The following RAPGEF3 variants were observed in gnomAD, a reference collection of about 807,000 sequenced individuals.
RAPGEF3 encodes the protein Rap guanine nucleotide exchange factor 3, also known as 9330170P05Rik.
RAPGEF3 carries 103 observed loss-of-function variants against 129.8 expected under a neutral mutation model. The observed-to-expected ratio is 0.79, with a 90% confidence interval of 0.68 to 0.93. RAPGEF3 has a LOEUF of 0.93. RAPGEF3 is among the 40% of genes least tolerant of loss of function. RAPGEF3 has a pLI of 0.00. For synonymous variants in RAPGEF3, 436 were observed against 482.6 expected, an observed-to-expected ratio of 0.90 and a Z score of 1.26; for missense variants, 1,117 against 1,207.4, an observed-to-expected ratio of 0.93 and a Z score of 1.11.
chr12:47,738,901 C>T (rs573594628), intron 24 of RAPGEF3, 147 bp from the exon 25 acceptor site: 2 of 795,144 alleles, frequency 2.5e-6, no homozygotes, highest in East Asian at 2.5e-5. Context: ...GCAGCATTTC[C>T]TTGTATCTCT....
rs776730017 is a variant in RAPGEF3 at position 47,737,717 on chromosome 12, A to G, written c.2654-32T>C. On this transcript the variant is annotated intron_variant, in intron 27 of 27. Coordinates refer to ENST00000449771, the MANE Select transcript of RAPGEF3 (RefSeq NM_001098531.4). Reference sequence around the variant, plus strand: ...GAGGAGAGTAGTCAGGGAGGCACTGATGCCCCTTTGTGGAACCCAACCTTT... The same window carrying G: ...GAGGAGAGTAGTCAGGGAGGCACTGGTGCCCCTTTGTGGAACCCAACCTTT... 1.6e-5 allele frequency: 26 copies of G among 1,592,838 alleles called. 1 individual carries two copies. The South Asian group carries it at 2.8e-4, about 17-fold the overall frequency.
chr12:47,738,213 T>C lies in RAPGEF3; in HGVS notation c.2561A>G (p.His854Arg), dbSNP rs1306929225. The C allele has an allele frequency of 6.2e-7, 1 of 1,613,614 alleles. No individual in the cohort carries two copies. The change falls in exon 26 of 28, where the codon CAC (histidine) becomes CGC (arginine). Residue 854 changes from histidine to arginine, a missense_variant. His to Arg is a conservative substitution (Grantham distance 29, BLOSUM62 0). Transcript: ENST00000449771. The stretch of plus-strand genomic sequence containing the variant: ...CTCACCAGGGTTGTGGCTTCGGCAG[T>C]GGTGCAGCATCCGCGCGGCTCTGGC... ...MMARAARMLH[H>R]CRSHNPVPLS...
Position 47,739,235 on chromosome 12 carries a change from G to A in RAPGEF3, c.2374-5C>T, listed in dbSNP as rs536444685. 1 of 1,604,146 alleles carries A rather than the reference G, an allele frequency of 6.2e-7. No individual in the cohort carries two copies. Among genetic ancestry groups the A allele is most frequent in the East Asian group, 2.2e-5 (1 of 44,812 alleles). Reference sequence around the variant, plus strand: ...CCGGTGGTTCCATGAGGGATCCTAGGGGAAGAAGCCACACTGAGGGGGTTG... The same window carrying A: ...CCGGTGGTTCCATGAGGGATCCTAGAGGAAGAAGCCACACTGAGGGGGTTG... On this transcript the variant is annotated splice_polypyrimidine_tract_variant and splice_region_variant and intron_variant, in intron 23 of 27. Coordinates refer to ENST00000449771, the MANE Select transcript of RAPGEF3 (RefSeq NM_001098531.4).
Position 47,748,225 on chromosome 12 carries a change from T to G in RAPGEF3, c.1244-73A>C, listed in dbSNP as rs542033089. 8.6e-6 allele frequency: 11 copies of G among 1,280,010 alleles called. No individual in the cohort carries two copies. In the East Asian group the frequency reaches 2.8e-4, roughly 32 times the overall value. The allele number at this position is 1,280,010 out of a possible 1,614,324, so 79.3% of individuals were successfully genotyped here. ...TGCTGAGCACAGGTGTATGGACAGCTGGAAGGACCCTTCCCCACATCCCAC... is the reference window on the plus strand; with the variant it reads ...TGCTGAGCACAGGTGTATGGACAGCGGGAAGGACCCTTCCCCACATCCCAC... On this transcript the variant is annotated intron_variant, in intron 12 of 27. Transcript: ENST00000449771.
intron 1 of RAPGEF3, 68 bp from the exon 2 acceptor site, chr12:47,758,146 G>T: frequency 1.3e-6 from 2 of 1,509,502 alleles, no homozygotes; most frequent in Admixed American, 2.0e-5. Context: ...CAGTACAACT[G>T]CCCCAGGCAG....
chr12:47,737,989 C>T (rs542020053), intron 27 of RAPGEF3, 33 bp downstream of exon 27: 2 of 1,569,312 alleles, frequency 1.3e-6, no homozygotes, highest in Non-Finnish European at 1.8e-6. Flanking sequence ...TAAGCACCCC[C>T]TCCCTGCCCA....
Position 47,751,029 on chromosome 12 carries a change from T to G in RAPGEF3, c.671+19A>C. The G allele has an allele frequency of 6.3e-7, 1 of 1,592,320 alleles. No homozygotes were observed. The highest frequency in any genetic ancestry group is 8.5e-7 in the Non-Finnish European group (1 of 1,170,534). On this transcript the variant is annotated intron_variant, in intron 6 of 27. Transcript: ENST00000449771. ...CTGTGTGAGGCCTGGGGTCACGGGG[T>G]GCAGGGATTCTGACTCACGGCTTTC...
chr12:47,748,778 AGGAG>A, intron 11 of RAPGEF3, 37 bp downstream of exon 11: 1 of 1,411,620 alleles, frequency 7.1e-7, no homozygotes, highest in Non-Finnish European at 1.0e-6. Flanking sequence ...GGGAAATGAA[AGGAG>A]GGACAGTGTG....
At chr12:47,748,329 T>C (rs1395484845) in intron 12 of RAPGEF3, 125 bp downstream of exon 12, 1 of 1,024,720 alleles carries the variant, frequency 9.8e-7, no homozygotes, top group Non-Finnish European at 1.5e-6. Context: ...AGAGGACTTA[T>C]TGCCAACTTC....
At chr12:47,742,557 G>A (rs533119488) in intron 18 of RAPGEF3, among the ~76,000 whole-genome samples, 9 of 152,272 alleles carry the variant, frequency 5.9e-5, no homozygotes, top group East Asian at 1.9e-4. Flanking sequence ...CGTGCCCTCC[G>A]CAGAGAACAG....
At chr12:47,741,632 G>C in intron 18 of RAPGEF3, 30 bp from the exon 19 acceptor site, 2 of 1,572,888 alleles carry the variant, frequency 1.3e-6, no homozygotes, top group Non-Finnish European at 1.7e-6. Context: ...GGACTGGGTG[G>C]GGGAAGGGAG....
chr12:47,738,674 C>T lies in RAPGEF3; in HGVS notation c.2526+16G>A. 6.3e-7 allele frequency: 1 copy of T among 1,586,368 alleles called. No homozygotes were observed. Among genetic ancestry groups the T allele is most frequent in the Non-Finnish European group, 8.7e-7 (1 of 1,154,780 alleles). On this transcript the variant is annotated intron_variant, in intron 25 of 27. Coordinates refer to ENST00000449771, the MANE Select transcript of RAPGEF3 (RefSeq NM_001098531.4). ...AACCTATGTTAGTAGTGAATGCCTG[C>T]TCTCCCTGGACTCACCATCTTCTCA...
intron 5 of RAPGEF3, 24 bp from the exon 6 acceptor site, chr12:47,751,240 G>C: frequency 2.6e-6 from 4 of 1,546,354 alleles, no homozygotes; most frequent in Non-Finnish European, 3.5e-6. Flanking sequence ...GCCCAGGCGT[G>C]GGGGAGGAGA....
At chr12:47,748,635 C>A (rs757281) in intron 11 of RAPGEF3, 93 bp from the exon 12 acceptor site, 64 of 1,240,772 alleles carry the variant, frequency 5.2e-5, no homozygotes, top group Admixed American at 3.1e-4. Flanking sequence ...CATTTTTCTC[C>A]ATTAGCCAGC....
chr12:47,743,708 G>A, intron 17 of RAPGEF3, 32 bp from the exon 18 acceptor site: 1 of 1,592,560 alleles, frequency 6.3e-7, no homozygotes, highest in Non-Finnish European at 8.6e-7. Context: ...GCTGTGGGAA[G>A]GGCTGCCTGA....
rs890174470 is a variant in RAPGEF3, at chr12:47,750,349, A to G, written c.748T>C (p.Ser250Pro). 6.2e-7 allele frequency: 1 copy of G among 1,613,850 alleles called. No individual in the cohort carries two copies. Among genetic ancestry groups the G allele is most frequent in the African/African-American group, 1.3e-5 (1 of 75,006 alleles). ...GGAGGGGCAGGACTGACCGAGTTGG[A>G]GAGGTGGGCCACAGCCTTGATGTGC... ...LLHIKAVAHL[S>P]NSVKRELAAV... The change falls in exon 7 of 28, where the codon TCC becomes CCC. Residue 250 changes from serine to proline, a missense_variant. Physicochemically the swap from Ser to Pro is moderately conservative, Grantham distance 74. This residue lies in a region of RAPGEF3 where 367 missense variants were observed against 373.4 expected (regional missense o/e 0.98). Transcript: ENST00000449771.
rs1941151892 is a variant in RAPGEF3 at position 47,741,322 on chromosome 12, C to T, written c.1923+183G>A. On this transcript the variant is annotated intron_variant, in intron 19 of 27. Transcript: ENST00000449771. ...TCCCAACCAGTGCTACCAGCCCCTG[C>T]CCTGCACTATCTTGGGAATTCCCCC... The T allele has an allele frequency of 1.2e-5, 8 of 685,556 alleles. No individual in the cohort carries two copies. In the South Asian group the frequency reaches 1.3e-4, roughly 11 times the overall value. The allele number at this position is 685,556 out of a possible 1,614,324, so 42.5% of individuals were successfully genotyped here.
chr12:47,748,721 A>G, intron 11 of RAPGEF3, 98 bp downstream of exon 11: 1 of 1,082,862 alleles, frequency 9.2e-7, no homozygotes, highest in Non-Finnish European at 1.4e-6. Context: ...TCCATCCACA[A>G]GTGGCCAGAG....
At chr12:47,750,121 C>T in intron 7 of RAPGEF3, 131 bp from the exon 8 acceptor site, 1 of 1,216,346 alleles carries the variant, frequency 8.2e-7, no homozygotes, top group African/African-American at 1.5e-5. Flanking sequence ...TCAGGTGTTC[C>T]CAGGATTCAG....
Sources: gnomAD v4.1 joint callset for allele counts (sites outside exome capture counted in the v4.1 genomes callset) on GRCh38, gnomAD v4.1.1 for gene constraint, gnomAD v4.1.1 regional missense constraint, MANE v1.5 for transcripts, NCBI Gene and HGNC (gene_info 2026-07-23, HGNC 2026-07-21) for gene names.